The following MBTPS1 variants were observed in gnomAD, a reference collection of about 807,000 sequenced individuals.
MBTPS1 encodes membrane-bound transcription factor site-1 protease.
Under a neutral mutation model 127.8 loss-of-function variants are expected in MBTPS1, and 94 were observed. The observed-to-expected ratio is 0.74, with a 90% CI of 0.62 to 0.87. MBTPS1 has a LOEUF of 0.87. Ranked by LOEUF, MBTPS1 falls within the 40% of genes least tolerant of loss-of-function variation. The probability of loss-of-function intolerance (pLI) is 0.00; values close to 1 mark genes in which losing one functional copy is unlikely to be tolerated. For missense variants in MBTPS1, 1,636 were observed against 1,353.2 expected (o/e 1.21, Z -3.28); for synonymous variants, 632 against 509.4 (o/e 1.24, Z -3.24).
intron 19 of MBTPS1, chr16:84,061,040 A>C: frequency 3.1e-6 from 1 of 326,632 alleles, no homozygotes; most frequent in Admixed American, 4.2e-5. Context: ...CTGGTCTCAA[A>C]CTCCTGGGCT....
rs1236416306 is a variant in MBTPS1 at position 84,069,245 on chromosome 16, G to C, written c.1955+621C>G. On this transcript the variant is annotated intron_variant, in intron 14 of 22. Coordinates refer to ENST00000343411, the MANE Select transcript of MBTPS1 (RefSeq NM_003791.4). ...GAAATGAGCTTGGCTAATGCACCAAGAGAAAGTCAGCCCAGCTGCCCTGCA... is the reference window on the plus strand; with the variant it reads ...GAAATGAGCTTGGCTAATGCACCAACAGAAAGTCAGCCCAGCTGCCCTGCA... Among the ~76,000 whole-genome samples, 3 of 152,222 alleles carry C rather than the reference G, an allele frequency of 2.0e-5. No individual in the cohort carries two copies. The East Asian group carries it at 5.8e-4, about 29-fold the overall frequency.
intron 1 of MBTPS1, among the ~76,000 whole-genome samples, chr16:84,108,527 A>G (rs2086356209): frequency 6.6e-6 from 1 of 152,218 alleles, no homozygotes; most frequent in Admixed American, 6.5e-5. Context: ...TCAGCCTCCC[A>G]AAGTGCTGGG....
chr16:84,064,676 ACTGT>A (rs2085656358), intron 18 of MBTPS1, among the ~76,000 whole-genome samples: 1 of 152,250 alleles, frequency 6.6e-6, no homozygotes, highest in Non-Finnish European at 1.5e-5. Context: ...CTGAAGTGAT[ACTGT>A]CTATGAGAAA....
intron 11 of MBTPS1, among the ~76,000 whole-genome samples, chr16:84,078,842 C>T (rs1296386448): frequency 2.0e-5 from 3 of 152,134 alleles, no homozygotes; most frequent in Non-Finnish European, 4.4e-5. Context: ...GTGGTGGGGG[C>T]AGGGGGAAGG....
chr16:84,114,103 T>A lies in MBTPS1; in HGVS notation c.-325+2632A>T, dbSNP rs187059830. On this transcript the variant is annotated intron_variant, in intron 1 of 22. Coordinates refer to ENST00000343411, the MANE Select transcript of MBTPS1 (RefSeq NM_003791.4). ...CCTCAGCCTCCCAAGTAGCTGGGAC[T>A]ACAGGCGCATGCCACCACGCCCGGC... Among the ~76,000 whole-genome samples, 438 of 150,726 alleles carry A rather than the reference T, an allele frequency of 2.9e-3. 3 individuals carry two copies. The highest frequency in any genetic ancestry group is 0.01 in the African/African-American group (421 of 40,952).
intron 14 of MBTPS1, among the ~76,000 whole-genome samples, 154 bp downstream of exon 14, chr16:84,069,712 C>G (rs2085742189): frequency 1.3e-5 from 2 of 152,180 alleles, no homozygotes; most frequent in Admixed American, 1.3e-4. Flanking sequence ...TCAGGCTGCC[C>G]TAAGTGCATG....
chr16:84,070,676 G>C lies in MBTPS1; in HGVS notation c.1694C>G (p.Ser565Cys), dbSNP rs1305307898. ...LWPWSGYLAI[S>C]ISVTKKAASW... is the part of the protein sequence containing the mutation. The stretch of plus-strand genomic sequence containing the variant: ...AGCCGCTTTCTTGGTCACAGAAATG[G>C]AGATGGCCAGGTAGCCCGACCAAGG... The change falls in exon 13 of 23, where the codon TCC becomes TGC. Residue 565 changes from serine to cysteine, a missense_variant. Physicochemically the swap from Ser to Cys is moderately radical, Grantham distance 112. Transcript: ENST00000343411. 3.7e-6 allele frequency: 6 copies of C among 1,613,898 alleles called. No homozygotes were observed. In the African/African-American group the frequency reaches 4.0e-5, roughly 11 times the overall value.
chr16:84,080,851 C>T (rs776397588), intron 11 of MBTPS1, among the ~76,000 whole-genome samples: 3 of 152,256 alleles, frequency 2.0e-5, no homozygotes, highest in Non-Finnish European at 4.4e-5. Flanking sequence ...CCCCACATAT[C>T]TTTTGAACAT....
intron 15 of MBTPS1, 147 bp from the exon 16 acceptor site, chr16:84,067,970 C>T (rs2085712150): frequency 1.5e-6 from 1 of 685,606 alleles, no homozygotes; most frequent in African/African-American, 1.8e-5. Context: ...TTAAAAGGGA[C>T]TAAAAAGTAG....
chr16:84,084,528 G>T (rs2085990515), intron 10 of MBTPS1, among the ~76,000 whole-genome samples: 1 of 152,182 alleles, frequency 6.6e-6, no homozygotes, highest in Admixed American at 6.5e-5. Context: ...ATAACATCAT[G>T]TTGTATATCT....
intron 11 of MBTPS1, chr16:84,074,985 G>C: frequency 3.2e-6 from 1 of 311,858 alleles, no homozygotes. Flanking sequence ...TTGCAAGTCT[G>C]GAGCTTTGGG....
intron 21 of MBTPS1, 63 bp from the exon 22 acceptor site, chr16:84,056,198 T>C: frequency 7.1e-7 from 1 of 1,407,270 alleles, no homozygotes; most frequent in Non-Finnish European, 9.9e-7. Context: ...GGTACTAGTC[T>C]AGGAAGTTCA....
At chr16:84,067,932 A>G in intron 15 of MBTPS1, 109 bp from the exon 16 acceptor site, 1 of 1,100,956 alleles carries the variant, frequency 9.1e-7, no homozygotes, top group Non-Finnish European at 1.3e-6. Context: ...GACACCTAAC[A>G]GTCTGGTTTG....
At position 84,069,873 on chromosome 16, in the gene MBTPS1, A is replaced by G; in HGVS notation, c.1948T>C (p.Leu650=). Residue 650 remains leucine, a synonymous_variant, in exon 14 of 23, where the codon TTA becomes CTA. Transcript: ENST00000343411. Reference sequence around the variant, plus strand: ...ATCCTGTGAGGTGCTTACCAGTCTAAAGGGTCATTCTTCATCCTTAAATTA... The same window carrying G: ...ATCCTGTGAGGTGCTTACCAGTCTAGAGGGTCATTCTTCATCCTTAAATTA... ...RDNLRMKNDP[L]DWNGDHIHTN... 1.9e-6 allele frequency: 3 copies of G among 1,613,814 alleles called. No individual in the cohort carries two copies. Among genetic ancestry groups the G allele is most frequent in the Non-Finnish European group, 2.5e-6 (3 of 1,179,950 alleles).
chr16:84,109,841 A>T (rs1028486459), intron 1 of MBTPS1, among the ~76,000 whole-genome samples: 7 of 152,224 alleles, frequency 4.6e-5, no homozygotes, highest in African/African-American at 1.7e-4. Flanking sequence ...TGATGTATCA[A>T]GACTAATTTC....
intron 3 of MBTPS1, among the ~76,000 whole-genome samples, chr16:84,097,946 T>G (rs1256418367): frequency 6.6e-6 from 1 of 151,886 alleles, no homozygotes; most frequent in Non-Finnish European, 1.5e-5. Context: ...AAGAGTAAAA[T>G]TTTAATTTCT....
At chr16:84,063,490 G>A (rs376198517) in intron 18 of MBTPS1, 45 bp from the exon 19 acceptor site, 8 of 1,575,102 alleles carry the variant, frequency 5.1e-6, no homozygotes, top group Non-Finnish European at 6.1e-6. Context: ...AGTTTCCACT[G>A]AGCAGTGAGT....
At chr16:84,107,341 G>T (rs2086338554) in intron 1 of MBTPS1, among the ~76,000 whole-genome samples, 1 of 152,186 alleles carries the variant, frequency 6.6e-6, no homozygotes, top group Admixed American at 6.5e-5. Flanking sequence ...GCCACCAGTG[G>T]CTGGAAGGAA....
rs767596439 is a variant in MBTPS1 at position 84,099,178 on chromosome 16, C to G, written c.296G>C (p.Ser99Thr). Reference protein sequence around the residue: ...PRNNPSSDYPSDFEVIQIKEK... With the variant: ...PRNNPSSDYPTDFEVIQIKEK... ...TTTTATCTGAATCACCTCAAAATCA[C>G]TAGGGTAGTCACTGGATGGATTGTT... The change falls in exon 3 of 23, where the codon AGT (serine) becomes ACT (threonine). Residue 99 changes from serine to threonine, a missense_variant. By Grantham distance (58) the Ser-to-Thr change is moderately conservative. Transcript: ENST00000343411. The G allele has an allele frequency of 6.2e-7, 1 of 1,614,168 alleles. No homozygotes were observed. The highest frequency in any genetic ancestry group is 8.5e-7 in the Non-Finnish European group (1 of 1,180,032).
Sources: allele counts gnomAD v4.1 joint callset (sites outside exome capture counted in the v4.1 genomes callset), GRCh38; gene constraint gnomAD v4.1.1; transcripts MANE v1.5; gene names NCBI Gene and HGNC (gene_info 2026-07-23, HGNC 2026-07-21).